Variants in SLC6A16 observed in about 807,000 individuals in gnomAD.
The protein encoded by SLC6A16 is orphan sodium- and chloride-dependent neurotransmitter transporter NTT5.
SLC6A16 carries 54 observed loss-of-function variants against 65.4 expected under a neutral mutation model. The ratio of observed to expected loss-of-function variants is 0.83; its 90% CI spans 0.66 to 1.04. The LOEUF (loss-of-function observed/expected upper bound fraction) is 1.04, where lower values mean the gene tolerates loss of function less well. Ranked by LOEUF, SLC6A16 falls within the 50% of genes least tolerant of loss-of-function variation. SLC6A16 has a pLI of 0.00. For missense variants in SLC6A16, 816 were observed against 914.0 expected, an observed-to-expected ratio of 0.89 and a Z score of 1.38; for synonymous variants, 330 against 346.5, an observed-to-expected ratio of 0.95 and a Z score of 0.53.
chr19:49,330,767 C>A, the SLC6A16 span, among the ~76,000 whole-genome samples: 4 of 152,036 alleles, frequency 2.6e-5, no homozygotes, highest in African/African-American at 9.7e-5. Flanking sequence ...CATGGTGAAA[C>A]CCTGTCTCTA....
Position 49,309,350 on chromosome 19 carries a change from A to C in SLC6A16, c.938T>G (p.Leu313Arg), listed in dbSNP as rs201378910. 4.3e-4 allele frequency: 688 copies of C among 1,614,190 alleles called. 3 individuals carry two copies. The highest frequency in any genetic ancestry group is 4.3e-4 in the Admixed American group (26 of 60,022). The change falls in exon 6 of 12, where the codon CTA becomes CGA. Residue 313 changes from leucine to arginine, a missense_variant. Physicochemically the swap from Leu to Arg is moderately radical, Grantham distance 102. Transcript: ENST00000335875. ...FIIVGFFIRT[L>R]LLEGAKFGLQ... The stretch of plus-strand genomic sequence containing the variant: ...GCCAAATTTTGCCCCTTCCAGGAGT[A>C]GAGTCCGGATGAAGAAACCGACAAT...
At chr19:49,316,857 CAAAAAAAA>C (rs34224524) in intron 1 of SLC6A16, among the ~76,000 whole-genome samples, 4 of 123,574 alleles carry the variant, frequency 3.2e-5, no homozygotes, top group Non-Finnish European at 5.2e-5. Context: ...CCATCTCTAC[CAAAAAAAA>C]AAAAAAAAAA....
chr19:49,331,912 C>A, the SLC6A16 span: 10 of 454,708 alleles, frequency 2.2e-5, no homozygotes, highest in Non-Finnish European at 3.5e-5. Context: ...GCCACCTACC[C>A]TTCGACTTCT....
chr19:49,309,122 A>G lies in SLC6A16; in HGVS notation c.988-5T>C. 1 of 1,613,862 alleles carries G rather than the reference A, an allele frequency of 6.2e-7. No individual in the cohort carries two copies. Among genetic ancestry groups the G allele is most frequent in the Non-Finnish European group, 8.5e-7 (1 of 1,179,786 alleles). Reference sequence around the variant, plus strand: ...CATATTGTACACATCCGATATCTAAAAGAGAGAAGACAAGCATAAGGGGGT... The same window carrying G: ...CATATTGTACACATCCGATATCTAAGAGAGAGAAGACAAGCATAAGGGGGT... On this transcript the variant is annotated splice_polypyrimidine_tract_variant and splice_region_variant and intron_variant, in intron 6 of 11. Transcript: ENST00000335875.
At chr19:49,301,223 A>G (rs1256391824) in intron 7 of SLC6A16, among the ~76,000 whole-genome samples, 1 of 152,072 alleles carries the variant, frequency 6.6e-6, no homozygotes, top group African/African-American at 2.4e-5. Flanking sequence ...ACTGCTCAGC[A>G]TGGAGAGGGA....
chr19:49,301,901 G>A (rs1385034596), intron 7 of SLC6A16, among the ~76,000 whole-genome samples: 1 of 152,168 alleles, frequency 6.6e-6, no homozygotes, highest in African/African-American at 2.4e-5. Flanking sequence ...CCATGCATGT[G>A]CCTGCACACA....
rs536909742 is a variant in SLC6A16, at chr19:49,322,817, C to CTTT, written c.-65+2228_-65+2230dup. 1.2e-4 allele frequency among the ~76,000 whole-genome samples: 5 copies of CTTT among 42,006 alleles called. 1 individual carries two copies. Among genetic ancestry groups the CTTT allele is most frequent in the Non-Finnish European group, 1.8e-4 (4 of 22,318 alleles). The allele number at this position is 42,006 out of a possible 152,430, so 27.6% of individuals were successfully genotyped here. On this transcript the variant is annotated intron_variant, in intron 1 of 11. Transcript: ENST00000335875. ...CCAAAGCAATCTACAGAATTAGTAG[C>CTTT]TTTTTTTTTTTTTTTTTTTTTTTTT...
intron 7 of SLC6A16, among the ~76,000 whole-genome samples, chr19:49,295,259 A>G (rs984851336): frequency 6.6e-6 from 1 of 152,126 alleles, no homozygotes; most frequent in Non-Finnish European, 1.5e-5. Context: ...ACGTGCCTGT[A>G]GTCCCAGCTA....
chr19:49,325,839 T>G (rs1432877211), upstream of SLC6A16, among the ~76,000 whole-genome samples: 1 of 152,210 alleles, frequency 6.6e-6, no homozygotes, highest in Non-Finnish European at 1.5e-5. Context: ...AATAACATTT[T>G]TATTTAAAAT....
chr19:49,311,482 C>T (rs1273127611), intron 1 of SLC6A16, 71 bp from the exon 2 acceptor site: 8 of 962,864 alleles, frequency 8.3e-6, no homozygotes, highest in Non-Finnish European at 1.2e-5. Context: ...AAACAATCCT[C>T]AACATCTCCT....
At position 49,310,054 on chromosome 19, in the gene SLC6A16, T is replaced by G. The variant is rs1353985637; in HGVS notation, c.686A>C (p.Asn229Thr). Residue 229 changes from asparagine (N) to threonine (T), a missense_variant, in exon 4 of 12, where the codon AAC (asparagine) becomes ACC (threonine). Transcript: ENST00000335875. Reference sequence around the variant, plus strand: ...TTCCTCCTCACCAAAGCCACTAGAGTTCATCGTTAAGGGACATTTCTCCCA... The same window carrying G: ...TTCCTCCTCACCAAAGCCACTAGAGGTCATCGTTAAGGGACATTTCTCCCA... ...VPWEKCPLTM[N>T]SSGFDPECER... 6 of 1,613,802 alleles carry G rather than the reference T, an allele frequency of 3.7e-6. No individual in the cohort carries two copies. Among genetic ancestry groups the G allele is most frequent in the Non-Finnish European group, 4.2e-6 (5 of 1,179,998 alleles).
At chr19:49,340,054 G>A in the SLC6A16 span, 23 of 1,504,042 alleles carry the variant, frequency 1.5e-5, no homozygotes, top group Non-Finnish European at 1.9e-5. Flanking sequence ...ACCCCCACTT[G>A]TAGCAGCTAT....
At chr19:49,338,573 C>T in the SLC6A16 span, 1 of 714,472 alleles carries the variant, frequency 1.4e-6, no homozygotes, top group African/African-American at 1.7e-5. This position sits in a 1 kb window ranked among gnomAD's most constrained non-coding sequence, Gnocchi z 5.0. Context: ...GCCCACTGTC[C>T]CCCACTCCAC....
chr19:49,317,719 T>C (rs58013975), intron 1 of SLC6A16, among the ~76,000 whole-genome samples: 3,386 of 151,664 alleles, frequency 0.022, 125 homozygotes, highest in African/African-American at 0.071. Flanking sequence ...GGCAGGAGAA[T>C]GGCGTGAACC....
intron 1 of SLC6A16, among the ~76,000 whole-genome samples, chr19:49,313,072 CAAAAAAAAAAA>C (rs5828385): frequency 9.4e-5 from 9 of 95,814 alleles, no homozygotes; most frequent in African/African-American, 3.2e-4. Flanking sequence ...AACCCTGTCT[CAAAAAAAAAAA>C]AAAAAAAAAA....
At chr19:49,332,131 A>C in the SLC6A16 span, 1 of 456,598 alleles carries the variant, frequency 2.2e-6, no homozygotes. Context: ...AGAGAAAATC[A>C]GTTCTTTGCA....
At chr19:49,319,282 T>G (rs894752118) in intron 1 of SLC6A16, among the ~76,000 whole-genome samples, 1 of 151,972 alleles carries the variant, frequency 6.6e-6, no homozygotes, top group African/African-American at 2.4e-5. Context: ...CAGGCCAATT[T>G]TCCAACAAGC....
Position 49,294,014 on chromosome 19 carries a change from T to G in SLC6A16, c.1431A>C (p.Pro477=). The part of the protein sequence containing the change: ...ETQFLKASEG[P]KFAFLSFVEA... ...CAACAAAGGACAGGAATGCAAACTT[T>G]GGGCCCTCGCTAGCCTGCAAAGAGA... Residue 477 remains proline (P), a synonymous_variant, in exon 9 of 12, where the codon CCA becomes CCC. Transcript: ENST00000335875. The G allele has an allele frequency of 6.2e-7, 1 of 1,611,848 alleles. No individual in the cohort carries two copies. Among genetic ancestry groups the G allele is most frequent in the East Asian group, 2.2e-5 (1 of 44,882 alleles).
At chr19:49,340,176 C>G in the SLC6A16 span, 1 of 1,339,760 alleles carries the variant, frequency 7.5e-7, no homozygotes, top group Non-Finnish European at 1.0e-6. Context: ...CCTGACCTTT[C>G]TCGCCCGGGT....
Sources: gnomAD v4.1 joint callset for allele counts (sites outside exome capture counted in the v4.1 genomes callset) on GRCh38, gnomAD v4.1.1 for gene constraint, Gnocchi (gnomAD v3.1) non-coding constraint, MANE v1.5 for transcripts, NCBI Gene and HGNC (gene_info 2026-07-23, HGNC 2026-07-21) for gene names.